DPYD: variants seen among roughly 807,000 people sequenced by gnomAD.
The protein encoded by DPYD is dihydropyrimidine dehydrogenase, also known as dihydropyrimidine dehydrogenase [NADP(+)].
Under a neutral mutation model 116.2 loss-of-function variants are expected in DPYD, and 109 were observed. The observed-to-expected ratio is 0.94, with a 90% CI of 0.80 to 1.10. The LOEUF (loss-of-function observed/expected upper bound fraction) is 1.10. Among genes scored for constraint, DPYD ranks in the 50% least tolerant of loss-of-function variants. DPYD has a pLI of 0.00. For synonymous variants in DPYD, 440 were observed against 432.0 expected (o/e 1.02, Z -0.23); for missense variants, 1,302 against 1,254.5 (o/e 1.04, Z -0.57).
At chr1:97,469,271 A>G (rs570230326) in intron 13 of DPYD, among the ~76,000 whole-genome samples, 86 of 152,146 alleles carry the variant, frequency 5.7e-4, no homozygotes, top group Middle Eastern at 3.4e-3. Context: ...TATCTGATAA[A>G]TCTAAGTGCA....
intron 1 of DPYD, among the ~76,000 whole-genome samples, chr1:97,910,018 G>A (rs1307455849): frequency 2.0e-5 from 3 of 151,970 alleles, no homozygotes; most frequent in Non-Finnish European, 4.4e-5. Flanking sequence ...AAAGCCCCTA[G>A]CAGACTTCTT....
intron 20 of DPYD, among the ~76,000 whole-genome samples, chr1:97,144,283 T>G (rs998733202): frequency 9.9e-5 from 15 of 152,184 alleles, no homozygotes; most frequent in African/African-American, 3.6e-4. Flanking sequence ...TGGAACTCTA[T>G]TAATTGGTGT....
intron 13 of DPYD, among the ~76,000 whole-genome samples, chr1:97,513,422 TTATCA>T (rs1647957695): frequency 1.3e-5 from 2 of 151,724 alleles, no homozygotes; most frequent in Admixed American, 1.3e-4. Flanking sequence ...TTTAATTTCT[TTATCA>T]TATGCAAGCT....
chr1:97,604,969 T>G (rs1322923875), intron 8 of DPYD, among the ~76,000 whole-genome samples: 1 of 152,088 alleles, frequency 6.6e-6, no homozygotes, highest in Non-Finnish European at 1.5e-5. Flanking sequence ...GACATTCTCC[T>G]AGGATCCTGT....
At chr1:97,319,253 G>C (rs1368329423) in intron 16 of DPYD, among the ~76,000 whole-genome samples, 7 of 150,734 alleles carry the variant, frequency 4.6e-5, no homozygotes, top group Non-Finnish European at 7.4e-5. Context: ...GAAGGAAATA[G>C]AGACACAAAA....
intron 16 of DPYD, among the ~76,000 whole-genome samples, chr1:97,312,150 A>T (rs1245904992): frequency 1.3e-5 from 2 of 151,846 alleles, no homozygotes; most frequent in Admixed American, 1.3e-4. Flanking sequence ...CAATAAGAAA[A>T]TATACAAATG....
Position 97,865,033 on chromosome 1 carries a change from G to C in DPYD, c.150+18231C>G, listed in dbSNP as rs1571493900. On this transcript the variant is annotated intron_variant, in intron 2 of 22. Transcript: ENST00000370192. The stretch of plus-strand genomic sequence containing the variant: ...AAACCTAGGCTATGTGTTTGTAGAG[G>C]AGGAAATATTGCTGCAGAAGGAGAG... Among the ~76,000 whole-genome samples, 3 of 151,926 alleles carry C rather than the reference G, an allele frequency of 2.0e-5. 1 individual carries two copies. In the South Asian group the frequency reaches 6.2e-4, roughly 32 times the overall value.
At position 97,646,457 on chromosome 1, in the gene DPYD, T is replaced by A. The variant is rs183182362; in HGVS notation, c.850+32638A>T. The stretch of plus-strand genomic sequence containing the variant: ...TTGAACGCACATCTTCTTTTATATT[T>A]TGTCAACTCACTTTCTATTTCCTAT... On this transcript the variant is annotated intron_variant, in intron 8 of 22. Coordinates refer to ENST00000370192, the MANE Select transcript of DPYD (RefSeq NM_000110.4). 1.3e-4 allele frequency among the ~76,000 whole-genome samples: 20 copies of A among 152,236 alleles called. No individual in the cohort carries two copies. In the East Asian group the frequency reaches 3.9e-3, roughly 29 times the overall value.
rs1482575086 is a variant in DPYD at position 97,129,435 on chromosome 1, T to C, written c.2623-30803A>G. Among the ~76,000 whole-genome samples the C allele has an allele frequency of 5.3e-5, 8 of 152,252 alleles. 1 individual carries two copies. Among genetic ancestry groups the C allele is most frequent in the Admixed American group, 3.9e-4 (6 of 15,272 alleles). ...ATTTTCAGTTGCCTCATATATTCCA[T>C]CTTGGTCTTCCTTGTCACGATCATT... On this transcript the variant is annotated intron_variant, in intron 20 of 22. Coordinates refer to ENST00000370192, the MANE Select transcript of DPYD (RefSeq NM_000110.4).
chr1:97,528,140 A>G (rs1424779911), intron 12 of DPYD, among the ~76,000 whole-genome samples: 1 of 152,184 alleles, frequency 6.6e-6, no homozygotes, highest in African/African-American at 2.4e-5. Context: ...AGAAATATCT[A>G]TTGAGGGAAA....
chr1:97,793,099 T>C (rs1384041136), intron 3 of DPYD, among the ~76,000 whole-genome samples: 1 of 152,210 alleles, frequency 6.6e-6, no homozygotes, highest in East Asian at 1.9e-4. Context: ...TGACTTGGTG[T>C]AGGTGGGAAA....
intron 14 of DPYD, among the ~76,000 whole-genome samples, chr1:97,398,972 T>C (rs943362512): frequency 2.6e-5 from 4 of 152,190 alleles, no homozygotes; most frequent in African/African-American, 4.8e-5. Context: ...TTGTCAATTT[T>C]GTCTTTTGTT....
intron 18 of DPYD, among the ~76,000 whole-genome samples, chr1:97,268,035 C>A (rs950763214): frequency 1.3e-5 from 2 of 152,110 alleles, no homozygotes; most frequent in Admixed American, 1.3e-4. Context: ...GATAGACATT[C>A]CCGTTCCAAA....
chr1:97,328,634 A>C (rs1295477635), intron 16 of DPYD, among the ~76,000 whole-genome samples: 1 of 152,114 alleles, frequency 6.6e-6, no homozygotes, highest in Non-Finnish European at 1.5e-5. Context: ...ACTATGATAA[A>C]ATTATTTGAA....
chr1:97,349,124 C>T (rs979292948), intron 16 of DPYD, among the ~76,000 whole-genome samples: 6 of 152,124 alleles, frequency 3.9e-5, no homozygotes, highest in African/African-American at 1.4e-4. Context: ...TTCTATCCTG[C>T]AGTTTCCTGA....
chr1:97,305,719 A>T (rs1051072508), intron 17 of DPYD, among the ~76,000 whole-genome samples: 2 of 151,996 alleles, frequency 1.3e-5, no homozygotes, highest in Admixed American at 6.6e-5. Flanking sequence ...TTTTGTATTC[A>T]ACAGATATTT....
At chr1:97,410,058 T>C (rs1673891634) in intron 14 of DPYD, among the ~76,000 whole-genome samples, 1 of 150,008 alleles carries the variant, frequency 6.7e-6, no homozygotes, top group South Asian at 2.1e-4. Context: ...AGAGCAACAA[T>C]CTGTCTCAAA....
intron 14 of DPYD, among the ~76,000 whole-genome samples, chr1:97,409,995 G>A (rs994274403): frequency 6.6e-6 from 1 of 151,860 alleles, no homozygotes; most frequent in Admixed American, 6.6e-5. Context: ...GAACCGGGGA[G>A]GTGAAGGTTG....
At chr1:97,334,492 T>C (rs1669185295) in intron 16 of DPYD, among the ~76,000 whole-genome samples, 1 of 149,386 alleles carries the variant, frequency 6.7e-6, no homozygotes, top group African/African-American at 2.5e-5. Flanking sequence ...ATAGCAGAAT[T>C]ACGGGATTTG....
Sources: gnomAD v4.1 joint callset for allele counts (sites outside exome capture counted in the v4.1 genomes callset) on GRCh38, gnomAD v4.1.1 for gene constraint, MANE v1.5 for transcripts, NCBI Gene and HGNC (gene_info 2026-07-23, HGNC 2026-07-21) for gene names.